ZFHX3: variants seen among roughly 807,000 people sequenced by gnomAD.
The protein encoded by ZFHX3 is zinc finger homeobox 3.
Under a neutral mutation model 279.1 loss-of-function variants are expected in ZFHX3, and 42 were observed. That is an observed-to-expected ratio of 0.15 (90% CI 0.12 to 0.19). The LOEUF (loss-of-function observed/expected upper bound fraction) is 0.19. Ranked by LOEUF, ZFHX3 falls within the 10% of genes least tolerant of loss-of-function variation. ZFHX3 has a pLI of 1.00. For synonymous variants in ZFHX3, 2,293 were observed against 1,957.8 expected, an observed-to-expected ratio of 1.17 and a Z score of -4.52; for missense variants, 4,981 against 4,754.0, an observed-to-expected ratio of 1.05 and a Z score of -1.40.
At chr16:72,895,647 C>T (rs2038881229) in intron 3 of ZFHX3, among the ~76,000 whole-genome samples, 1 of 152,138 alleles carries the variant, frequency 6.6e-6, no homozygotes, top group Non-Finnish European at 1.5e-5. Context: ...CATGGTGAGA[C>T]CCCGTCTCTA....
chr16:73,439,881 T>TGTCAGTG (rs961841152), intron 3 of ZFHX3, among the ~76,000 whole-genome samples: 17 of 121,806 alleles, frequency 1.4e-4, no homozygotes, highest in African/African-American at 4.5e-4. Context: ...GGCAGCTGAC[T>TGTCAGTG]GTCAGTGGGG....
intron 3 of ZFHX3, among the ~76,000 whole-genome samples, chr16:73,365,301 A>T (rs925478189): frequency 6.6e-6 from 1 of 152,286 alleles, no homozygotes; most frequent in South Asian, 2.1e-4. Context: ...ACAGGAGGGG[A>T]TGCAGACGAG....
At chr16:73,130,612 A>T (rs1451654302) in intron 7 of ZFHX3, among the ~76,000 whole-genome samples, 2 of 152,094 alleles carry the variant, frequency 1.3e-5, no homozygotes, top group East Asian at 3.9e-4. Flanking sequence ...AAACAAAACA[A>T]TAGTTTGTTT....
intron 1 of ZFHX3, among the ~76,000 whole-genome samples, chr16:73,004,321 C>CTT (rs34987461): frequency 0.022 from 1,140 of 52,114 alleles, 36 homozygotes; most frequent in Middle Eastern, 0.028. Context: ...ATGCATCAAT[C>CTT]TTTTTTTTTT....
intron 1 of ZFHX3, among the ~76,000 whole-genome samples, chr16:73,787,546 G>A (rs533520557): frequency 6.6e-6 from 1 of 152,124 alleles, no homozygotes; most frequent in African/African-American, 2.4e-5. Context: ...AACAATTTGG[G>A]TGAGACCTGG....
At chr16:73,340,400 C>T (rs60060330) in intron 3 of ZFHX3, among the ~76,000 whole-genome samples, 19,969 of 152,170 alleles carry the variant, frequency 0.13, 2,714 homozygotes, top group East Asian at 0.37. Flanking sequence ...GCTCTGTCAC[C>T]CAGGCTGGAG....
chr16:72,988,852 T>A (rs1040838402), intron 1 of ZFHX3, among the ~76,000 whole-genome samples: 1 of 152,234 alleles, frequency 6.6e-6, no homozygotes, highest in African/African-American at 2.4e-5. Flanking sequence ...ACTGATGGCA[T>A]CATCTTGATG....
intron 3 of ZFHX3, among the ~76,000 whole-genome samples, chr16:72,938,516 G>A (rs75333171): frequency 0.021 from 3,165 of 152,312 alleles, 127 homozygotes; most frequent in African/African-American, 0.072. Flanking sequence ...GGGAGGCAGC[G>A]GGAAGGGAGA....
At chr16:73,624,974 C>T (rs1053639401) in intron 2 of ZFHX3, among the ~76,000 whole-genome samples, 10 of 152,336 alleles carry the variant, frequency 6.6e-5, no homozygotes, top group African/African-American at 2.4e-4. Flanking sequence ...GTCCCATTTT[C>T]ATGGGCCCAG....
chr16:73,055,696 G>GCACACACACACA (rs200899475), intron 1 of ZFHX3, among the ~76,000 whole-genome samples: 276 of 94,736 alleles, frequency 2.9e-3, no homozygotes, highest in Non-Finnish European at 5.1e-3. Context: ...GCGCGCGCGC[G>GCACACACACACA]CGCACACACA....
chr16:73,863,715 A>G (rs1961940270), intron 1 of ZFHX3, among the ~76,000 whole-genome samples: 1 of 152,192 alleles, frequency 6.6e-6, no homozygotes, highest in African/African-American at 2.4e-5. Context: ...CTAATAATGC[A>G]TGGAATTTTT....
Position 73,312,536 on chromosome 16 carries a change from G to A in ZFHX3, c.-1194+5704C>T, listed in dbSNP as rs554540343. On this transcript the variant is annotated intron_variant, in intron 4 of 17. Transcript: ENST00000641206. ...AGTGGGCTGGGAAAATGAGAGAGCAGCGATGCTACTCATACATTCCTGGTG... is the reference window on the plus strand; with the variant it reads ...AGTGGGCTGGGAAAATGAGAGAGCAACGATGCTACTCATACATTCCTGGTG... 3.3e-5 allele frequency among the ~76,000 whole-genome samples: 5 copies of A among 152,318 alleles called. No individual in the cohort carries two copies. The East Asian group carries it at 5.8e-4, about 18-fold the overall frequency.
intron 2 of ZFHX3, among the ~76,000 whole-genome samples, chr16:73,503,562 G>T (rs1172979638): frequency 2.0e-5 from 3 of 152,080 alleles, no homozygotes; most frequent in Non-Finnish European, 2.9e-5. Context: ...TCCTGACCTG[G>T]GTCCCATGGC....
intron 5 of ZFHX3, among the ~76,000 whole-genome samples, chr16:73,159,642 G>A (rs902003101): frequency 6.6e-6 from 1 of 152,162 alleles, no homozygotes. Flanking sequence ...CCCAAGAATT[G>A]TGAGAAATAA....
intron 2 of ZFHX3, among the ~76,000 whole-genome samples, chr16:73,539,313 C>A (rs1395036135): frequency 2.0e-5 from 3 of 151,498 alleles, no homozygotes; most frequent in Non-Finnish European, 1.5e-5. Flanking sequence ...TCAGGTGAAA[C>A]TGATTTTACG....
At chr16:73,055,121 TTCTC>T (rs770913874) in intron 1 of ZFHX3, among the ~76,000 whole-genome samples, 27 of 152,054 alleles carry the variant, frequency 1.8e-4, no homozygotes, top group Admixed American at 3.3e-4. Context: ...GCCTTTTCTT[TTCTC>T]TCTCTTTTTT....
chr16:72,949,693 G>A lies in ZFHX3; in HGVS notation c.3216+776C>T, dbSNP rs147122050. Among the ~76,000 whole-genome samples the A allele has an allele frequency of 2.4e-3, 356 of 150,914 alleles. 2 individuals are homozygous for A. The highest frequency in any genetic ancestry group is 7.8e-3 in the African/African-American group (321 of 41,124). Reference sequence around the variant, plus strand: ...GAGGGGGAGGATGGGAGAAGCCCAGGAAGAAGAAGAAAAAGTATAAGGAAG... The same window carrying A: ...GAGGGGGAGGATGGGAGAAGCCCAGAAAGAAGAAGAAAAAGTATAAGGAAG... On this transcript the variant is annotated intron_variant, in intron 3 of 9. Coordinates refer to ENST00000268489, the MANE Select transcript of ZFHX3 (RefSeq NM_006885.4).
chr16:73,875,043 G>A (rs767273950), intron 1 of ZFHX3, among the ~76,000 whole-genome samples: 4 of 152,086 alleles, frequency 2.6e-5, no homozygotes, highest in Non-Finnish European at 2.9e-5. Context: ...AACTTTTCCC[G>A]GGTATATAGC....
In ZFHX3 at chr16:72,797,097, T is replaced by C. The variant is rs1187370535; in HGVS notation, c.5585A>G (p.Gln1862Arg). The C allele has an allele frequency of 6.2e-7, 1 of 1,613,860 alleles. No individual in the cohort carries two copies. The highest frequency in any genetic ancestry group is 1.3e-5 in the African/African-American group (1 of 74,916). The change falls in exon 9 of 10, where the codon CAG becomes CGG. Residue 1862 changes from glutamine to arginine, a missense_variant. Around this residue, in one of 7 missense-constraint regions of ZFHX3, gnomAD observed 1,751 missense variants for 1,770.0 expected, o/e 0.99. Coordinates refer to ENST00000268489, the MANE Select transcript of ZFHX3 (RefSeq NM_006885.4). The stretch of plus-strand genomic sequence containing the variant: ...TGGCTGAAGGAGGGCAGAGTGACTC[T>C]GGGCTATAGAGAGTTGGTTCTGCTG... ...QQQQNQLSIA[Q>R]SHSALLQPSQ...
Sources: allele counts gnomAD v4.1 joint callset (sites outside exome capture counted in the v4.1 genomes callset), GRCh38; gene constraint gnomAD v4.1.1; regional missense constraint gnomAD v4.1.1; transcripts MANE v1.5; gene names NCBI Gene and HGNC (gene_info 2026-07-23, HGNC 2026-07-21).